TMEM71: variants seen among roughly 807,000 people sequenced by gnomAD.
The protein encoded by TMEM71 is transmembrane protein 71.
In TMEM71, 44 loss-of-function variants were observed where a neutral mutation model predicts 38.0. The ratio of observed to expected loss-of-function variants is 1.16; its 90% CI spans 0.91 to 1.49. TMEM71 has a LOEUF of 1.49. TMEM71 is among the 40% of genes most tolerant of loss of function. The pLI, the probability that TMEM71 is intolerant of heterozygous loss-of-function variation, is 0.00. For synonymous variants in TMEM71, 133 were observed against 122.5 expected (o/e 1.09, Z -0.56); for missense variants, 367 against 348.6 (o/e 1.05, Z -0.42).
chr8:132,739,242 C>T (rs1287234418), intron 5 of TMEM71, among the ~76,000 whole-genome samples: 2 of 152,326 alleles, frequency 1.3e-5, no homozygotes, highest in African/African-American at 2.4e-5. Context: ...AAAGCCCTTC[C>T]GGGCAGCAGA....
intron 3 of TMEM71, among the ~76,000 whole-genome samples, chr8:132,753,646 A>G (rs1021201511): frequency 6.6e-6 from 1 of 152,198 alleles, no homozygotes; most frequent in African/African-American, 2.4e-5. Context: ...AGTGGACAAG[A>G]CAGGGAATCT....
chr8:132,709,453 A>G (rs948857913), downstream of TMEM71, among the ~76,000 whole-genome samples: 1 of 152,206 alleles, frequency 6.6e-6, no homozygotes, highest in Non-Finnish European at 1.5e-5. Flanking sequence ...GGAACCCATC[A>G]ATGTTACCTT....
At chr8:132,773,955 G>C in the TMEM71 span, among the ~76,000 whole-genome samples, 1 of 152,126 alleles carries the variant, frequency 6.6e-6, no homozygotes, top group Admixed American at 6.5e-5. Context: ...AGTAGTTGTA[G>C]ATTATCAGTG....
At chr8:132,713,858 A>G in intron 9 of TMEM71, 137 bp downstream of exon 9, 3 of 768,742 alleles carry the variant, frequency 3.9e-6, no homozygotes, top group Non-Finnish European at 6.5e-6. Flanking sequence ...TTTTAGCAGT[A>G]ACAGAAAGTA....
chr8:132,725,222 G>A (rs1374542284), intron 6 of TMEM71, among the ~76,000 whole-genome samples: 1 of 151,982 alleles, frequency 6.6e-6, no homozygotes, highest in Admixed American at 6.6e-5. Context: ...TAGAAATGGG[G>A]TCTCACCATG....
In TMEM71 at chr8:132,727,801, A is replaced by G. The variant is rs1263738246; in HGVS notation, c.673T>C (p.Ser225Pro). ...TATTTAAAACACCTGAACTCACCTG[A>G]ATGATCCGAACTATTCTCTTGGAAA... is the stretch of plus-strand genomic sequence containing the variant. Reference protein sequence around the residue: ...ERFQENSSDHSETRLLQEVFF... With the variant: ...ERFQENSSDHPETRLLQEVFF... Residue 225 changes from serine (S) to proline (P), a missense_variant, in exon 6 of 10, where the codon TCA becomes CCA. Transcript: ENST00000677595. 1 of 1,604,808 alleles carries G rather than the reference A, an allele frequency of 6.2e-7. No homozygotes were observed. The highest frequency in any genetic ancestry group is 8.5e-7 in the Non-Finnish European group (1 of 1,176,018).
chr8:132,756,769 T>C (rs922561189), intron 3 of TMEM71, among the ~76,000 whole-genome samples: 1 of 151,788 alleles, frequency 6.6e-6, no homozygotes, highest in Non-Finnish European at 1.5e-5. Flanking sequence ...GTATTTTTAG[T>C]AGAGACAAGG....
At chr8:132,712,505 C>T (rs1216031760) in intron 9 of TMEM71, among the ~76,000 whole-genome samples, 1 of 152,076 alleles carries the variant, frequency 6.6e-6, no homozygotes, top group East Asian at 1.9e-4. Context: ...GGAAACTGAC[C>T]TCCTTGTGCT....
intron 5 of TMEM71, among the ~76,000 whole-genome samples, chr8:132,738,694 C>A (rs1481842857): frequency 6.6e-6 from 1 of 152,056 alleles, no homozygotes; most frequent in South Asian, 2.1e-4. Flanking sequence ...CTGGCCTCAC[C>A]CCCCACATCC....
downstream of TMEM71, among the ~76,000 whole-genome samples, chr8:132,706,247 T>C (rs932556495): frequency 6.6e-6 from 1 of 152,148 alleles, no homozygotes; most frequent in Non-Finnish European, 1.5e-5. Flanking sequence ...GCTATGACAG[T>C]GGGTGAGTGG....
At position 132,710,007 on chromosome 8, in the gene TMEM71, T is replaced by C. The variant is rs1191396154; in HGVS notation, c.*960A>G. 6.6e-6 allele frequency: 1 copy of C among 152,122 alleles called. No individual in the cohort carries two copies. The highest frequency in any genetic ancestry group is 2.4e-5 in the African/African-American group (1 of 41,434). 9.4% of individuals were successfully genotyped at this position (152,122 alleles called of 1,614,324 possible). ...TAACCAAAAATGTACTAAATGCAAA[T>C]TATATATAAAGTTATATTTTGGCAT... On this transcript the variant is annotated 3_prime_UTR_variant, in exon 10 of 10. Coordinates refer to ENST00000677595, the MANE Select transcript of TMEM71 (RefSeq NM_001382403.1).
At chr8:132,769,106 G>T in the TMEM71 span, among the ~76,000 whole-genome samples, 1 of 152,246 alleles carries the variant, frequency 6.6e-6, no homozygotes, top group South Asian at 2.1e-4. Context: ...ATGTGGAAAA[G>T]AAATGGAAGT....
chr8:132,731,916 G>A (rs1408011117), intron 5 of TMEM71, among the ~76,000 whole-genome samples: 2 of 152,146 alleles, frequency 1.3e-5, no homozygotes, highest in Non-Finnish European at 2.9e-5. Flanking sequence ...AGGAAAGACT[G>A]AAGCAGCCCC....
intron 8 of TMEM71, 26 bp from the exon 9 acceptor site, chr8:132,714,078 T>C: frequency 1.2e-6 from 2 of 1,613,976 alleles, no homozygotes; most frequent in Non-Finnish European, 1.7e-6. Context: ...GAAAATATTT[T>C]AAAATCATTT....
chr8:132,739,437 G>A (rs1159775174), intron 5 of TMEM71, among the ~76,000 whole-genome samples: 3 of 152,240 alleles, frequency 2.0e-5, no homozygotes. Context: ...TCAGCTTCCC[G>A]CATAGCTGGG....
intron 5 of TMEM71, among the ~76,000 whole-genome samples, chr8:132,734,153 TACACACAC>T (rs35673804): frequency 6.7e-6 from 1 of 148,790 alleles, no homozygotes; most frequent in Admixed American, 6.7e-5. Flanking sequence ...GTTATGTTCT[TACACACAC>T]ACACACACAC....
intron 3 of TMEM71, among the ~76,000 whole-genome samples, chr8:132,752,828 AAAGGAAGGAAGGAAGGAAGGAAGGAAGG>A (rs71299033): frequency 6.8e-5 from 8 of 118,364 alleles, no homozygotes; most frequent in South Asian, 3.2e-4. Flanking sequence ...GGGAAGGAAG[AAAGGAAGGAAGGAAGGAAGGAAGGAAGG>A]AAGGAAGGAA....
the TMEM71 span, among the ~76,000 whole-genome samples, chr8:132,772,051 A>T: frequency 5.9e-5 from 9 of 152,236 alleles, no homozygotes; most frequent in Non-Finnish European, 1.2e-4. Flanking sequence ...CTTAAAAAAA[A>T]CTTGAACTGC....
chr8:132,715,409 CAAAAAAAA>C (rs975995287), intron 7 of TMEM71, among the ~76,000 whole-genome samples: 22 of 21,564 alleles, frequency 1.0e-3, no homozygotes, highest in African/African-American at 1.8e-3. Flanking sequence ...GACTCCGTCT[CAAAAAAAA>C]AAAAAAAAAA....
Sources: allele counts gnomAD v4.1 joint callset (sites outside exome capture counted in the v4.1 genomes callset), GRCh38; gene constraint gnomAD v4.1.1; transcripts MANE v1.5; gene names NCBI Gene and HGNC (gene_info 2026-07-23, HGNC 2026-07-21).